TNS3: variants seen among roughly 807,000 people sequenced by gnomAD.
The protein encoded by TNS3 is tensin 3.
TNS3 carries 45 observed loss-of-function variants against 140.9 expected under a neutral mutation model. That is an observed-to-expected ratio of 0.32 (90% CI 0.25 to 0.41). The LOEUF (loss-of-function observed/expected upper bound fraction) is 0.41, where lower values mean the gene tolerates loss of function less well. TNS3 is among the 10% of genes least tolerant of loss of function. The pLI, the probability that TNS3 is intolerant of heterozygous loss-of-function variation, is 1.00. For synonymous variants in TNS3, 815 were observed against 788.4 expected, an observed-to-expected ratio of 1.03 and a Z score of -0.56; for missense variants, 1,716 against 1,906.7, an observed-to-expected ratio of 0.90 and a Z score of 1.86.
At chr7:47,515,192 T>C (rs1798740268) in intron 2 of TNS3, among the ~76,000 whole-genome samples, 1 of 152,172 alleles carries the variant, frequency 6.6e-6, no homozygotes, top group South Asian at 2.1e-4. Context: ...TAACCACATA[T>C]GAAATTTGCA....
chr7:47,442,413 A>G (rs1016700841), intron 4 of TNS3, among the ~76,000 whole-genome samples: 1 of 152,194 alleles, frequency 6.6e-6, no homozygotes, highest in African/African-American at 2.4e-5. Flanking sequence ...GGCTGCTATT[A>G]TTTACTTGAA....
intron 2 of TNS3, among the ~76,000 whole-genome samples, chr7:47,519,306 C>A (rs780810666): frequency 2.7e-4 from 40 of 148,742 alleles, no homozygotes; most frequent in Non-Finnish European, 4.8e-4. Context: ...GCATCTCCAT[C>A]AGATATTCAA....
intron 16 of TNS3, among the ~76,000 whole-genome samples, chr7:47,372,691 T>C (rs1791144690): frequency 6.6e-6 from 1 of 152,050 alleles, no homozygotes; most frequent in Non-Finnish European, 1.5e-5. Context: ...CAGAGCAGGG[T>C]CTCATCGAAT....
chr7:47,328,632 C>G (rs1045779051), intron 20 of TNS3, among the ~76,000 whole-genome samples: 6 of 152,218 alleles, frequency 3.9e-5, no homozygotes, highest in African/African-American at 4.8e-5. Context: ...CTCTGCCCCC[C>G]ACCCCGGCAG....
intron 20 of TNS3, among the ~76,000 whole-genome samples, chr7:47,338,355 T>C (rs576497889): frequency 3.3e-5 from 5 of 152,348 alleles, no homozygotes; most frequent in South Asian, 4.1e-4. Context: ...CTCACCAGTA[T>C]TGGATGTTGT....
intron 4 of TNS3, among the ~76,000 whole-genome samples, chr7:47,475,589 C>G (rs1199576120): frequency 6.6e-6 from 1 of 152,224 alleles, no homozygotes; most frequent in African/African-American, 2.4e-5. Flanking sequence ...GCCCAGGAGG[C>G]CGGGCGGGGA....
At chr7:47,332,134 A>C (rs1788376302) in intron 20 of TNS3, among the ~76,000 whole-genome samples, 1 of 152,244 alleles carries the variant, frequency 6.6e-6, no homozygotes, top group South Asian at 2.1e-4. Flanking sequence ...CACAGCCTGA[A>C]GGGACAGTGG....
At chr7:47,372,582 A>G (rs1791137624) in intron 16 of TNS3, among the ~76,000 whole-genome samples, 1 of 152,190 alleles carries the variant, frequency 6.6e-6, no homozygotes, top group African/African-American at 2.4e-5. Flanking sequence ...TTTTATTAGT[A>G]GTAGAAATCT....
At chr7:47,328,922 T>C (rs1416923544) in intron 20 of TNS3, among the ~76,000 whole-genome samples, 2 of 152,234 alleles carry the variant, frequency 1.3e-5, no homozygotes, top group Non-Finnish European at 2.9e-5. Flanking sequence ...CTCTACGCAC[T>C]GTGTCCCCTT....
intron 2 of TNS3, among the ~76,000 whole-genome samples, chr7:47,519,594 GC>G (rs1798895079): frequency 6.6e-6 from 1 of 152,112 alleles, no homozygotes; most frequent in South Asian, 2.1e-4. Context: ...TCCCTCACTA[GC>G]CCAGCAGCCC....
chr7:47,451,458 G>A (rs1727302869), intron 4 of TNS3, among the ~76,000 whole-genome samples: 1 of 152,104 alleles, frequency 6.6e-6, no homozygotes, highest in Non-Finnish European at 1.5e-5. Flanking sequence ...GTATGTGGCT[G>A]TAGTCCCAGG....
At chr7:47,459,328 G>C (rs2151679415) in intron 4 of TNS3, among the ~76,000 whole-genome samples, 1 of 152,298 alleles carries the variant, frequency 6.6e-6, no homozygotes, top group South Asian at 2.1e-4. Context: ...TCCCAGAGAA[G>C]AGGAAACATA....
At chr7:47,370,535 C>T (rs1424789756) in intron 16 of TNS3, among the ~76,000 whole-genome samples, 1 of 152,208 alleles carries the variant, frequency 6.6e-6, no homozygotes, top group Non-Finnish European at 1.5e-5. Context: ...GCATCAGCTG[C>T]TATTATTAAT....
At chr7:47,379,227 C>T (rs2151210802) in intron 16 of TNS3, among the ~76,000 whole-genome samples, 1 of 152,332 alleles carries the variant, frequency 6.6e-6, no homozygotes, top group South Asian at 2.1e-4. Context: ...AAGACCTTCC[C>T]AGTCAGGAAG....
At chr7:47,443,884 G>A (rs1795591514) in intron 4 of TNS3, among the ~76,000 whole-genome samples, 1 of 152,302 alleles carries the variant, frequency 6.6e-6, no homozygotes, top group East Asian at 1.9e-4. Context: ...TCGTGCCACT[G>A]CACTCCAGCC....
At chr7:47,489,161 C>T (rs1218972399) in intron 3 of TNS3, among the ~76,000 whole-genome samples, 2 of 152,188 alleles carry the variant, frequency 1.3e-5, no homozygotes, top group Non-Finnish European at 2.9e-5. Context: ...TGAGAAAACA[C>T]CCGCCCGGCA....
chr7:47,290,694 G>A (rs902848084), intron 27 of TNS3, among the ~76,000 whole-genome samples: 1 of 152,220 alleles, frequency 6.6e-6, no homozygotes, highest in African/African-American at 2.4e-5. Context: ...AAATTCTGGA[G>A]AGGATGTGGG....
chr7:47,409,419 G>C (rs555779701), intron 13 of TNS3, among the ~76,000 whole-genome samples: 10 of 152,080 alleles, frequency 6.6e-5, no homozygotes, highest in Non-Finnish European at 1.2e-4. Context: ...GTGGGCGGTA[G>C]GGGGGAAGAC....
chr7:47,306,995 T>C (rs1786796524), intron 20 of TNS3, among the ~76,000 whole-genome samples: 1 of 152,226 alleles, frequency 6.6e-6, no homozygotes, highest in Admixed American at 6.5e-5. Flanking sequence ...AAATGTTTAA[T>C]TTTTCATGAA....
Sources: allele counts gnomAD v4.1 joint callset (sites outside exome capture counted in the v4.1 genomes callset), GRCh38; gene constraint gnomAD v4.1.1; transcripts MANE v1.5; gene names NCBI Gene and HGNC (gene_info 2026-07-23, HGNC 2026-07-21).